HIVEP2: variants seen among roughly 807,000 people sequenced by gnomAD.
HIVEP2 encodes the protein HIVEP zinc finger 2, also known as transcription factor HIVEP2.
In HIVEP2, 14 loss-of-function variants were observed where a neutral mutation model predicts 180.7. That is an observed-to-expected ratio of 0.08 (90% CI 0.05 to 0.12). HIVEP2 has a LOEUF of 0.12. Ranked by LOEUF, HIVEP2 falls within the 10% of genes least tolerant of loss-of-function variation. The probability of loss-of-function intolerance (pLI) is 1.00; values close to 1 mark genes in which losing one functional copy is unlikely to be tolerated. For missense variants in HIVEP2, 2,579 were observed against 3,008.5 expected (o/e 0.86, Z 3.34); for synonymous variants, 1,184 against 1,136.4 (o/e 1.04, Z -0.84).
chr6:142,865,226 C>T (rs1368034126), intron 1 of HIVEP2, among the ~76,000 whole-genome samples: 1 of 152,104 alleles, frequency 6.6e-6, no homozygotes, highest in African/African-American at 2.4e-5. Context: ...ATTTGGATAG[C>T]TATGTATAAC....
chr6:142,759,825 G>A lies in HIVEP2; in HGVS notation c.6463C>T (p.Pro2155Ser), dbSNP rs1389261014. 1.2e-6 allele frequency: 2 copies of A among 1,613,196 alleles called. No homozygotes were observed. Among genetic ancestry groups the A allele is most frequent in the Admixed American group, 3.3e-5 (2 of 59,962 alleles). Residue 2155 changes from proline to serine, a missense_variant, in exon 9 of 10, where the codon CCA becomes TCA. Pro to Ser is a moderately conservative substitution (Grantham distance 74). This residue lies in a region of HIVEP2 where 660 missense variants were observed against 731.7 expected (regional missense o/e 0.90). Coordinates refer to ENST00000367603, the MANE Select transcript of HIVEP2 (RefSeq NM_006734.4). ...TGCAAATACTGTCCCATGGACAATG[G>A]TGGGTTATGGTATAAAGCCCTTCTG... ...SPRRALYHNP[P>S]LSMGQYLQAE...
At chr6:142,804,635 C>A (rs1035517613) in intron 2 of HIVEP2, among the ~76,000 whole-genome samples, 2 of 152,008 alleles carry the variant, frequency 1.3e-5, no homozygotes, top group African/African-American at 4.8e-5. Flanking sequence ...CCTAACTAAC[C>A]TTTGCATAAG....
At position 142,862,393 on chromosome 6, in the gene HIVEP2, C is replaced by T. The variant is rs553254202; in HGVS notation, c.-640-25346G>A. Among the ~76,000 whole-genome samples the T allele has an allele frequency of 9.7e-4, 144 of 147,800 alleles. 1 individual carries two copies. Among genetic ancestry groups the T allele is most frequent in the Middle Eastern group, 3.7e-3 (1 of 268 alleles). ...TACATATAATCGATTACATGTATTA[C>T]ATATTTTATAATACATATAATCGAT... On this transcript the variant is annotated intron_variant, in intron 1 of 9. Transcript: ENST00000367603.
chr6:142,854,904 G>A (rs1775778539), intron 1 of HIVEP2, among the ~76,000 whole-genome samples: 1 of 152,178 alleles, frequency 6.6e-6, no homozygotes, highest in Non-Finnish European at 1.5e-5. Flanking sequence ...AATGAAAGCA[G>A]GCACAGCTTT....
chr6:142,837,088 G>A (rs1034749606), intron 1 of HIVEP2, 41 bp from the exon 2 acceptor site: 30 of 152,052 alleles, frequency 2.0e-4, no homozygotes, highest in Non-Finnish European at 3.7e-4. Context: ...AAACCGGAGC[G>A]TGATTATAGG....
chr6:142,817,119 T>C (rs1776862507), intron 2 of HIVEP2, among the ~76,000 whole-genome samples: 1 of 152,180 alleles, frequency 6.6e-6, no homozygotes, highest in African/African-American at 2.4e-5. Flanking sequence ...AAGACTAAAA[T>C]ACAAACTAAG....
At chr6:142,761,248 A>G (rs1031425908) in intron 8 of HIVEP2, among the ~76,000 whole-genome samples, 1 of 152,248 alleles carries the variant, frequency 6.6e-6, no homozygotes, top group Non-Finnish European at 1.5e-5. Flanking sequence ...TTTTCAAAGT[A>G]AGGCCTTTTT....
At position 142,845,879 on chromosome 6, in the gene HIVEP2, A is replaced by G. The variant is rs377010851; in HGVS notation, c.-640-8832T>C. 3.9e-5 allele frequency among the ~76,000 whole-genome samples: 6 copies of G among 152,356 alleles called. No homozygotes were observed. In the East Asian group the frequency reaches 1.2e-3, roughly 29 times the overall value. On this transcript the variant is annotated intron_variant, in intron 1 of 9. Transcript: ENST00000367603. ...CTGGGTGCAAACTCGTCTTCCGCAG[A>G]CACCAAAAGAGAGCACAGCAAAGCT...
At chr6:142,870,552 T>C (rs1321739653) in intron 1 of HIVEP2, among the ~76,000 whole-genome samples, 4 of 152,114 alleles carry the variant, frequency 2.6e-5, no homozygotes, top group Non-Finnish European at 5.9e-5. Context: ...CCAAATCCCA[T>C]CAGATAGAAT....
intron 9 of HIVEP2, among the ~76,000 whole-genome samples, chr6:142,757,204 G>C (rs560625874): frequency 6.6e-6 from 1 of 152,214 alleles, no homozygotes; most frequent in African/African-American, 2.4e-5. Context: ...GCATAAAGTG[G>C]GCAGTGCTTG....
chr6:142,913,975 GC>G (rs1777485438), intron 1 of HIVEP2, among the ~76,000 whole-genome samples: 1 of 151,964 alleles, frequency 6.6e-6, no homozygotes. Flanking sequence ...TCAGGTTAGA[GC>G]CCTGAAATAT....
intron 1 of HIVEP2, among the ~76,000 whole-genome samples, chr6:142,910,967 C>A (rs1382280964): frequency 6.6e-6 from 1 of 151,806 alleles, no homozygotes; most frequent in Non-Finnish European, 1.5e-5. Flanking sequence ...CAGTCTGAGC[C>A]CTAAAGACTC....
At position 142,822,876 on chromosome 6, in the gene HIVEP2, C is replaced by G. The variant is rs1233087676; in HGVS notation, c.-528+14059G>C. On this transcript the variant is annotated intron_variant, in intron 2 of 9. Transcript: ENST00000367603. The stretch of plus-strand genomic sequence containing the variant: ...GACTTGGAAATGAGTTACCCAAACA[C>G]TATCAAGCCCTACCAGCCTACAGGC... Among the ~76,000 whole-genome samples, 3 of 152,234 alleles carry G rather than the reference C, an allele frequency of 2.0e-5. No homozygotes were observed. In the East Asian group the frequency reaches 5.8e-4, roughly 29 times the overall value.
Position 142,756,177 on chromosome 6 carries a change from C to A in HIVEP2, c.6517-2246G>T, listed in dbSNP as rs147311157. 3.0e-3 allele frequency among the ~76,000 whole-genome samples: 462 copies of A among 152,300 alleles called. 5 individuals carry two copies. Among genetic ancestry groups the A allele is most frequent in the African/African-American group, 0.01 (433 of 41,560 alleles). On this transcript the variant is annotated intron_variant, in intron 9 of 9. Coordinates refer to ENST00000367603, the MANE Select transcript of HIVEP2 (RefSeq NM_006734.4). Reference sequence around the variant, plus strand: ...CACATCTATACGCCATGTACCAGATCTATTACCCTACGCATCTCTTCAACA... The same window carrying A: ...CACATCTATACGCCATGTACCAGATATATTACCCTACGCATCTCTTCAACA...
intron 1 of HIVEP2, among the ~76,000 whole-genome samples, chr6:142,916,167 G>C (rs1777544934): frequency 6.6e-6 from 1 of 152,164 alleles, no homozygotes; most frequent in Non-Finnish European, 1.5e-5. Flanking sequence ...GTCTAGTGTA[G>C]TCATCTACTC....
intron 1 of HIVEP2, among the ~76,000 whole-genome samples, chr6:142,918,104 C>T (rs1407727524): frequency 6.6e-6 from 1 of 152,080 alleles, no homozygotes. Context: ...CAATGTGAGC[C>T]ATGAAATGAA....
intron 1 of HIVEP2, among the ~76,000 whole-genome samples, chr6:142,852,888 C>T (rs1033531835): frequency 1.3e-5 from 2 of 152,180 alleles, no homozygotes; most frequent in African/African-American, 4.8e-5. Context: ...AAATGATAAA[C>T]ATTCCTATCT....
At chr6:142,828,778 A>G (rs905127538) in intron 2 of HIVEP2, among the ~76,000 whole-genome samples, 15 of 152,172 alleles carry the variant, frequency 9.9e-5, no homozygotes, top group African/African-American at 2.9e-4. Context: ...ACTTGAGAAC[A>G]GGACCATTCT....
intron 7 of HIVEP2, among the ~76,000 whole-genome samples, chr6:142,762,277 A>G (rs1026989217): frequency 5.3e-5 from 8 of 152,168 alleles, no homozygotes; most frequent in African/African-American, 1.9e-4. Flanking sequence ...CACACTAACA[A>G]AAAAGAAAGG....
Sources: allele counts gnomAD v4.1 joint callset (sites outside exome capture counted in the v4.1 genomes callset), GRCh38; gene constraint gnomAD v4.1.1; regional missense constraint gnomAD v4.1.1; transcripts MANE v1.5; gene names NCBI Gene and HGNC (gene_info 2026-07-23, HGNC 2026-07-21).